Variants in CTPS2 observed in about 807,000 individuals in gnomAD.
CTPS2 encodes the protein CTP synthase 2.
Under a neutral mutation model 46.8 loss-of-function variants are expected in CTPS2, and 19 were observed. The ratio of observed to expected loss-of-function variants is 0.41; its 90% CI spans 0.28 to 0.60. CTPS2 has a LOEUF of 0.60. Ranked by LOEUF, CTPS2 falls within the 20% of genes least tolerant of loss-of-function variation. The pLI, the probability that CTPS2 is intolerant of heterozygous loss-of-function variation, is 0.35. For synonymous variants in CTPS2, 151 were observed against 165.2 expected (o/e 0.91, Z 0.66); for missense variants, 286 against 447.6 (o/e 0.64, Z 3.26).
intron 13 of CTPS2, among the ~76,000 whole-genome samples, chrX:16,656,433 G>A (rs1385296207): frequency 6.8e-5 from 7 of 103,432 alleles, no homozygotes; most frequent in South Asian, 4.4e-4. Context: ...TTTTTGAGAC[G>A]AAGTCTCGCT....
At chrX:16,639,831 AG>A (rs763695338) in intron 13 of CTPS2, among the ~76,000 whole-genome samples, 3 of 108,738 alleles carry the variant, frequency 2.8e-5, no homozygotes, top group South Asian at 4.0e-4. Flanking sequence ...GAAAGAAAGA[AG>A]AAAAGAAAAG....
rs769380128 is a variant in CTPS2 at position 16,698,242 on chromosome X, A to G, written c.432T>C (p.Val144=). 5.1e-6 allele frequency: 6 copies of G among 1,187,717 alleles called. No individual in the cohort carries two copies. The African/African-American group carries it at 7.1e-5, about 14-fold the overall frequency. The part of the protein sequence containing the change: ...DGNKEEPQIC[V]IELGGTIGDI... ...AAGAAAGTTCTATGCTTGCCTCAAT[A>G]ACGCATATTTGGGGCTCTTCCTTAT... Residue 144 remains valine, a synonymous_variant, in exon 4 of 19, where the codon GTT becomes GTC. Coordinates refer to ENST00000359276, the MANE Select transcript of CTPS2 (RefSeq NM_175859.3).
intron 13 of CTPS2, among the ~76,000 whole-genome samples, chrX:16,666,126 C>T (rs1284963332): frequency 1.8e-5 from 2 of 111,926 alleles, no homozygotes; most frequent in Non-Finnish European, 3.8e-5. Context: ...AAAAACCAAT[C>T]GCGATTGTGA....
intron 1 of CTPS2, among the ~76,000 whole-genome samples, chrX:16,703,709 C>G (rs1398229167): frequency 1.8e-5 from 2 of 111,692 alleles, no homozygotes. Flanking sequence ...GTCTTATCTT[C>G]TAGGCTTTTT....
At chrX:16,610,052 C>T (rs1350080241) in intron 16 of CTPS2, among the ~76,000 whole-genome samples, 3 of 111,604 alleles carry the variant, frequency 2.7e-5, no homozygotes, top group African/African-American at 9.8e-5. Context: ...CTTTAGGTGG[C>T]TTCAGGCCAT....
chrX:16,609,889 G>A (rs1292597724), intron 16 of CTPS2, among the ~76,000 whole-genome samples: 1 of 112,211 alleles, frequency 8.9e-6, no homozygotes, highest in Non-Finnish European at 1.9e-5. Context: ...TTTTATGTGC[G>A]GAAGGTGTCA....
rs755687211 is a variant in CTPS2, at chrX:16,615,032, C to T, written c.1546+2118G>A. On this transcript the variant is annotated intron_variant, in intron 16 of 18. Transcript: ENST00000359276. The stretch of plus-strand genomic sequence containing the variant: ...TCTACTAAAAAATACAAAAATTAGC[C>T]GGGCATGGTGGAACATGCCTGTAGT... Among the ~76,000 whole-genome samples, 8 of 111,988 alleles carry T rather than the reference C, an allele frequency of 7.1e-5. No homozygotes were observed. The East Asian group carries it at 1.7e-3, about 24-fold the overall frequency.
chrX:16,596,362 C>A (rs1234131728), intron 17 of CTPS2, among the ~76,000 whole-genome samples: 2 of 97,033 alleles, frequency 2.1e-5, no homozygotes, highest in East Asian at 3.5e-4. Flanking sequence ...CCACAACAGT[C>A]CCCAGAGTGT....
intron 14 of CTPS2, among the ~76,000 whole-genome samples, chrX:16,631,470 G>A (rs982577291): frequency 9.0e-6 from 1 of 111,682 alleles, no homozygotes; most frequent in Non-Finnish European, 1.9e-5. Flanking sequence ...AGCGAGCTAC[G>A]ATCACACCAC....
intron 14 of CTPS2, among the ~76,000 whole-genome samples, chrX:16,633,964 A>G (rs1931611709): frequency 8.9e-6 from 1 of 112,201 alleles, no homozygotes; most frequent in East Asian, 2.8e-4. Context: ...CTGTGTCAGG[A>G]TGTTCGATTC....
intron 17 of CTPS2, among the ~76,000 whole-genome samples, chrX:16,598,972 A>T (rs908657568): frequency 8.9e-6 from 1 of 111,970 alleles, no homozygotes; most frequent in African/African-American, 3.2e-5. Flanking sequence ...TGATTATCTC[A>T]ATAGATGCAG....
chrX:16,671,503 T>A (rs1240184547), intron 10 of CTPS2, among the ~76,000 whole-genome samples: 8 of 90,640 alleles, frequency 8.8e-5, no homozygotes, highest in Non-Finnish European at 1.6e-4. Context: ...AGTAACATTT[T>A]TCTTTTTTTT....
At chrX:16,628,302 A>G (rs1227816107) in intron 14 of CTPS2, among the ~76,000 whole-genome samples, 1 of 111,822 alleles carries the variant, frequency 8.9e-6, no homozygotes, top group Admixed American at 9.6e-5. Context: ...CTGAGTTGAA[A>G]AATGCGTCTT....
At chrX:16,627,739 C>T (rs550339329) in intron 14 of CTPS2, among the ~76,000 whole-genome samples, 4 of 111,793 alleles carry the variant, frequency 3.6e-5, no homozygotes, top group South Asian at 3.8e-4. Flanking sequence ...GCTAAACCCG[C>T]GGTTTCAGAC....
intron 15 of CTPS2, among the ~76,000 whole-genome samples, 182 bp downstream of exon 15, chrX:16,620,095 C>G (rs1462593607): frequency 9.1e-6 from 1 of 110,484 alleles, no homozygotes; most frequent in Non-Finnish European, 1.9e-5. Context: ...CCCCCCACTC[C>G]CCACCCCTGT....
At chrX:16,632,581 G>C (rs1460730259) in intron 14 of CTPS2, among the ~76,000 whole-genome samples, 3 of 109,818 alleles carry the variant, frequency 2.7e-5, no homozygotes, top group Non-Finnish European at 5.7e-5. Context: ...ACCACACCAT[G>C]CCCGGCTAAT....
At position 16,598,839 on chromosome X, in the gene CTPS2, A is replaced by G. The variant is rs1327675031; in HGVS notation, c.1692-7977T>C. Among the ~76,000 whole-genome samples, 8 of 111,754 alleles carry G rather than the reference A, an allele frequency of 7.2e-5. No homozygotes were observed. In the East Asian group the frequency reaches 2.2e-3, roughly 31 times the overall value. On this transcript the variant is annotated intron_variant, in intron 17 of 18. Coordinates refer to ENST00000359276, the MANE Select transcript of CTPS2 (RefSeq NM_175859.3). ...ATACTAGCAAACCGAATCCAGCAGC[A>G]CATCAAAAAGCTTATCCACCATGAT...
intron 13 of CTPS2, among the ~76,000 whole-genome samples, chrX:16,656,234 G>GA (rs199776205): frequency 0.057 from 6,306 of 111,589 alleles, 274 homozygotes; most frequent in African/African-American, 0.13. Flanking sequence ...CTTTAGACAT[G>GA]AGATTTTTTT....
intron 13 of CTPS2, among the ~76,000 whole-genome samples, chrX:16,658,103 G>A (rs376365024): frequency 1.8e-5 from 2 of 109,695 alleles, no homozygotes; most frequent in African/African-American, 6.6e-5. Flanking sequence ...TTACTCGGGA[G>A]GCTGAGGCAG....
Sources: gnomAD v4.1 joint callset for allele counts (sites outside exome capture counted in the v4.1 genomes callset) on GRCh38, gnomAD v4.1.1 for gene constraint, MANE v1.5 for transcripts, NCBI Gene and HGNC (gene_info 2026-07-23, HGNC 2026-07-21) for gene names.